Variants in STEAP4 observed in about 807,000 individuals in gnomAD.
STEAP4 encodes the protein STEAP4 metalloreductase.
A neutral mutation model predicts 43.6 loss-of-function variants in STEAP4; 36 were observed. The ratio of observed to expected loss-of-function variants is 0.83; its 90% CI spans 0.63 to 1.09. The LOEUF is 1.09. STEAP4 is among the 50% of genes least tolerant of loss of function. The pLI is 0.00. For synonymous variants in STEAP4, 191 were observed against 196.7 expected, an observed-to-expected ratio of 0.97 and a Z score of 0.24; for missense variants, 495 against 546.5, an observed-to-expected ratio of 0.91 and a Z score of 0.94.
intron 1 of STEAP4, among the ~76,000 whole-genome samples, chr7:88,296,163 C>A (rs538374140): frequency 1.3e-5 from 2 of 152,244 alleles, no homozygotes; most frequent in East Asian, 3.9e-4. Flanking sequence ...ACTCGGTACC[C>A]CTAATAGCAA....
chr7:88,301,946 G>A (rs1853042961), intron 1 of STEAP4, among the ~76,000 whole-genome samples: 1 of 152,166 alleles, frequency 6.6e-6, no homozygotes, highest in South Asian at 2.1e-4. Flanking sequence ...ATACAGTATA[G>A]CAACATAATA....
At chr7:88,298,604 G>A (rs1381963892) in intron 1 of STEAP4, among the ~76,000 whole-genome samples, 2 of 151,754 alleles carry the variant, frequency 1.3e-5, no homozygotes, top group African/African-American at 4.8e-5. Flanking sequence ...TTAGACATGT[G>A]CACTTCTCAT....
In STEAP4 at chr7:88,273,554, G is replaced by A. The variant is rs1852470921; in HGVS notation, c.*5844C>T. On this transcript the variant is annotated 3_prime_UTR_variant, in exon 5 of 5. Transcript: ENST00000380079. Reference sequence around the variant, plus strand: ...CCTAGATTCTTCAACTAGTATTAAAGTACTAAATGAGAAGTGTTATGAAAT... The same window carrying A: ...CCTAGATTCTTCAACTAGTATTAAAATACTAAATGAGAAGTGTTATGAAAT... 6.6e-6 allele frequency: 1 copy of A among 151,966 alleles called. No individual in the cohort carries two copies. The highest frequency in any genetic ancestry group is 2.1e-4 in the South Asian group (1 of 4,828). 9.4% of individuals were successfully genotyped at this position (151,966 alleles called of 1,614,324 possible).
Position 88,279,560 on chromosome 7 carries a change from G to T in STEAP4, c.1218C>A (p.Phe406Leu). ...AHTLVYGGKR[F>L]LSPSNLRWYL... Reference sequence around the variant, plus strand: ...ACCATCTGAGATTTGAAGGGCTGAGGAATCTCTTCCCACCGTACACCAGGG... The same window carrying T: ...ACCATCTGAGATTTGAAGGGCTGAGTAATCTCTTCCCACCGTACACCAGGG... The change falls in exon 5 of 5, where the codon TTC becomes TTA. Residue 406 changes from phenylalanine to leucine, a missense_variant. Transcript: ENST00000380079. 6.2e-7 allele frequency: 1 copy of T among 1,613,986 alleles called. No individual in the cohort carries two copies. The highest frequency in any genetic ancestry group is 8.5e-7 in the Non-Finnish European group (1 of 1,179,968).
intron 1 of STEAP4, among the ~76,000 whole-genome samples, chr7:88,286,046 A>G (rs1852727519): frequency 6.6e-6 from 1 of 152,180 alleles, no homozygotes; most frequent in Admixed American, 6.5e-5. Flanking sequence ...CTCCAAGGTT[A>G]TCAGAAACTT....
In STEAP4 at chr7:88,273,549, T is replaced by TTAAAG. The variant is rs1456198905; in HGVS notation, c.*5844_*5848dup. The TTAAAG allele has an allele frequency of 6.6e-5, 10 of 152,024 alleles. No homozygotes were observed. Among genetic ancestry groups the TTAAAG allele is most frequent in the African/African-American group, 2.4e-4 (10 of 41,392 alleles). The allele number at this position is 152,024 out of a possible 1,614,324, so 9.4% of individuals were successfully genotyped here. A position where few individuals can be genotyped will look rare whatever the true frequency, so the allele number is the denominator to read the frequency against. ...GTAACCCTAGATTCTTCAACTAGTA[T>TTAAAG]TAAAGTACTAAATGAGAAGTGTTAT... On this transcript the variant is annotated 3_prime_UTR_variant, in exon 5 of 5. Coordinates refer to ENST00000380079, the MANE Select transcript of STEAP4 (RefSeq NM_024636.4).
chr7:88,283,831 G>A lies in STEAP4; in HGVS notation c.439C>T (p.Leu147=), dbSNP rs745384248. 2.5e-6 allele frequency: 4 copies of A among 1,612,732 alleles called. No individual in the cohort carries two copies. Among genetic ancestry groups the A allele is most frequent in the Admixed American group, 1.7e-5 (1 of 59,932 alleles). The part of the protein sequence containing the change: ...ISAWALQSGA[L]DASRQVFVCG... ...ATTCTTACCTGCCGACTTGCATCCA[G>A]TGCTCCTGACTGGAGAGCCCAGGCT... The change falls in exon 2 of 5, where the codon CTG becomes TTG. Residue 147 remains leucine (L), a synonymous_variant. Coordinates refer to ENST00000380079, the MANE Select transcript of STEAP4 (RefSeq NM_024636.4).
rs969841417 is a variant in STEAP4 at position 88,276,050 on chromosome 7, G to C, written c.*3348C>G. 1 of 152,194 alleles carries C rather than the reference G, an allele frequency of 6.6e-6. No individual in the cohort carries two copies. The highest frequency in any genetic ancestry group is 6.5e-5 in the Admixed American group (1 of 15,286). 9.4% of individuals were successfully genotyped at this position (152,194 alleles called of 1,614,324 possible). On this transcript the variant is annotated 3_prime_UTR_variant, in exon 5 of 5. Coordinates refer to ENST00000380079, the MANE Select transcript of STEAP4 (RefSeq NM_024636.4). The stretch of plus-strand genomic sequence containing the variant: ...TCTGAATCCAACCTGAAGTCTGCTT[G>C]TCAAGCCATTAGCCTTATCCCTGTG...
Position 88,303,205 on chromosome 7 carries a change from A to AC in STEAP4, c.-3+3586_-3+3587insG, listed in dbSNP as rs200344504. Among the ~76,000 whole-genome samples the AC allele has an allele frequency of 8.5e-3, 1,006 of 118,750 alleles. 52 individuals carry two copies. The highest frequency in any genetic ancestry group is 0.022 in the East Asian group (88 of 3,988). The allele number at this position is 118,750 out of a possible 152,430, so 77.9% of individuals were successfully genotyped here. On this transcript the variant is annotated intron_variant, in intron 1 of 4. Coordinates refer to ENST00000380079, the MANE Select transcript of STEAP4 (RefSeq NM_024636.4). ...GCATTAAAAAAAAAAAAAAAAAAAA[A>AC]AAAACTCCAACCGGGCGCGGTGGCT...
At position 88,298,781 on chromosome 7, in the gene STEAP4, C is replaced by T. The variant is rs558520566; in HGVS notation, c.-3+8011G>A. 1.2e-4 allele frequency among the ~76,000 whole-genome samples: 19 copies of T among 152,148 alleles called. No individual in the cohort carries two copies. In the South Asian group the frequency reaches 3.5e-3, roughly 28 times the overall value. Reference sequence around the variant, plus strand: ...AAATATATCATTTAAAGCTCTTTTTCTACATAAAGAAACTACTTCAGGTTG... The same window carrying T: ...AAATATATCATTTAAAGCTCTTTTTTTACATAAAGAAACTACTTCAGGTTG... On this transcript the variant is annotated intron_variant, in intron 1 of 4. Coordinates refer to ENST00000380079, the MANE Select transcript of STEAP4 (RefSeq NM_024636.4).
In STEAP4 at chr7:88,278,461, A is replaced by G. The variant is rs1389306050; in HGVS notation, c.*937T>C. On this transcript the variant is annotated 3_prime_UTR_variant, in exon 5 of 5. Transcript: ENST00000380079. ...CTTATTTACACTAGAAATTAATTTA[A>G]TAGATGAAAAATATTGAGCAATATT... The G allele has an allele frequency of 1.3e-5, 2 of 152,352 alleles. No individual in the cohort carries two copies. The highest frequency in any genetic ancestry group is 1.9e-4 in the East Asian group (1 of 5,194). 9.4% of individuals were successfully genotyped at this position (152,352 alleles called of 1,614,324 possible).
At chr7:88,279,746 A>T in intron 4 of STEAP4, 118 bp from the exon 5 acceptor site, 2 of 816,240 alleles carry the variant, frequency 2.5e-6, no homozygotes, top group Non-Finnish European at 3.8e-6. Context: ...TATAATGTTT[A>T]GGACACTTTG....
intron 1 of STEAP4, among the ~76,000 whole-genome samples, chr7:88,300,857 C>T (rs1219408095): frequency 6.6e-6 from 1 of 150,526 alleles, no homozygotes; most frequent in Non-Finnish European, 1.5e-5. Flanking sequence ...TATGGCCTCA[C>T]CTTCTTACAA....
intron 1 of STEAP4, among the ~76,000 whole-genome samples, chr7:88,303,713 A>T (rs1028001831): frequency 1.3e-5 from 2 of 152,196 alleles, no homozygotes; most frequent in Non-Finnish European, 2.9e-5. Context: ...TATGTTTCTG[A>T]AAGAGGATCT....
Position 88,282,931 on chromosome 7 carries a change from T to C in STEAP4, c.694A>G (p.Lys232Glu), listed in dbSNP as rs1563497122. Residue 232 changes from lysine (K) to glutamate (E), a missense_variant, in exon 3 of 5, where the codon AAA (lysine) becomes GAA (glutamate). Physicochemically the swap from Lys to Glu is moderately conservative, Grantham distance 56 (BLOSUM62 1). Transcript: ENST00000380079. ...ATAGCCATACGAAATGTATTATCTTTCTTTTCATAAACATAAGGGTAGATT... is the reference window on the plus strand; with the variant it reads ...ATAGCCATACGAAATGTATTATCTTCCTTTTCATAAACATAAGGGTAGATT... The part of the protein sequence containing the change: ...DVIYPYVYEK[K>E]DNTFRMAISI... 1 of 1,614,192 alleles carries C rather than the reference T, an allele frequency of 6.2e-7. No homozygotes were observed. The highest frequency in any genetic ancestry group is 8.5e-7 in the Non-Finnish European group (1 of 1,180,012).
chr7:88,291,311 C>T lies in STEAP4; in HGVS notation c.-2-7040G>A, dbSNP rs974859223. On this transcript the variant is annotated intron_variant, in intron 1 of 4. Transcript: ENST00000380079. ...CCAGCTTGGCCAACATGGTGACACC[C>T]CGCCTCTACTAAAAATACACAAAAA... 2.0e-5 allele frequency among the ~76,000 whole-genome samples: 3 copies of T among 151,722 alleles called. No homozygotes were observed. The East Asian group carries it at 5.8e-4, about 29-fold the overall frequency.
At chr7:88,299,019 C>T (rs1326432497) in intron 1 of STEAP4, among the ~76,000 whole-genome samples, 4 of 152,096 alleles carry the variant, frequency 2.6e-5, no homozygotes, top group Non-Finnish European at 5.9e-5. Flanking sequence ...ACATGAATTG[C>T]TAACAACTAG....
intron 1 of STEAP4, among the ~76,000 whole-genome samples, chr7:88,304,830 G>C (rs985257069): frequency 6.6e-6 from 1 of 152,080 alleles, no homozygotes; most frequent in Non-Finnish European, 1.5e-5. Flanking sequence ...CAGCTACCCA[G>C]CCTTTAAAAG....
chr7:88,281,080 C>G lies in STEAP4; in HGVS notation c.985-1G>C. The G allele has an allele frequency of 2.6e-6, 4 of 1,559,864 alleles. No individual in the cohort carries two copies. Among genetic ancestry groups the G allele is most frequent in the Non-Finnish European group, 3.5e-6 (4 of 1,157,964 alleles). ...ATGGATTCTCCTTCTTGAGTATTGCCTAAGAAAAATTATAAGCAATTACAA... is the reference window on the plus strand; with the variant it reads ...ATGGATTCTCCTTCTTGAGTATTGCGTAAGAAAAATTATAAGCAATTACAA... On this transcript the variant is annotated splice_acceptor_variant, in intron 3 of 4. Coordinates refer to ENST00000380079, the MANE Select transcript of STEAP4 (RefSeq NM_024636.4). LOFTEE classifies it high-confidence loss of function.
Sources: allele counts gnomAD v4.1 joint callset (sites outside exome capture counted in the v4.1 genomes callset), GRCh38; gene constraint gnomAD v4.1.1; transcripts MANE v1.5; gene names NCBI Gene and HGNC (gene_info 2026-07-23, HGNC 2026-07-21).